Variants in RORA observed in about 807,000 individuals in gnomAD.
RORA encodes the protein RAR related orphan receptor A, also known as nuclear receptor ROR-alpha.
RORA carries 7 observed loss-of-function variants against 69.5 expected under a neutral mutation model. The ratio of observed to expected loss-of-function variants is 0.10; its 90% CI spans 0.06 to 0.19. RORA has a LOEUF of 0.19. Ranked by LOEUF, RORA falls within the 10% of genes least tolerant of loss-of-function variation. The pLI, the probability that RORA is intolerant of heterozygous loss-of-function variation, is 1.00. For synonymous variants in RORA, 261 were observed against 240.8 expected (o/e 1.08, Z -0.78); for missense variants, 457 against 663.0 (o/e 0.69, Z 3.41).
In RORA at chr15:61,025,080, TA is replaced by T. The variant is rs112693346; in HGVS notation, c.166+203972del. 4.8e-3 allele frequency among the ~76,000 whole-genome samples: 734 copies of T among 152,258 alleles called. 8 individuals carry two copies. Among genetic ancestry groups the T allele is most frequent in the African/African-American group, 0.017 (695 of 41,532 alleles). On this transcript the variant is annotated intron_variant, in intron 1 of 10. Transcript: ENST00000335670. ...AAGTTTTAGGCCCAGATCACATATCTAATGAATCAAACAGACAGGACGCAAA... is the reference window on the plus strand; with the variant it reads ...AAGTTTTAGGCCCAGATCACATATCTATGAATCAAACAGACAGGACGCAAA...
At chr15:61,184,703 G>T (rs2079722637) in intron 1 of RORA, among the ~76,000 whole-genome samples, 1 of 152,088 alleles carries the variant, frequency 6.6e-6, no homozygotes, top group Non-Finnish European at 1.5e-5. Flanking sequence ...GAGACTGTTA[G>T]GCTGGGAGTG....
intron 2 of RORA, among the ~76,000 whole-genome samples, chr15:60,640,592 G>A (rs573222595): frequency 6.6e-6 from 1 of 152,162 alleles, no homozygotes; most frequent in East Asian, 1.9e-4. Context: ...TTTCCTTTTA[G>A]ACTCCACTTG....
chr15:60,797,518 T>C (rs2072515437), intron 1 of RORA, among the ~76,000 whole-genome samples: 1 of 152,192 alleles, frequency 6.6e-6, no homozygotes, highest in Non-Finnish European at 1.5e-5. Context: ...TGGCAGCTCA[T>C]TACACATTCT....
chr15:60,754,523 T>G (rs138575394), intron 1 of RORA, among the ~76,000 whole-genome samples: 2 of 152,210 alleles, frequency 1.3e-5, no homozygotes, highest in African/African-American at 4.8e-5. Context: ...TGTTTTAGTC[T>G]CATGGCTTAA....
intron 2 of RORA, among the ~76,000 whole-genome samples, chr15:60,675,250 T>C (rs2070536136): frequency 2.0e-5 from 3 of 152,210 alleles, no homozygotes; most frequent in Admixed American, 6.5e-5. Flanking sequence ...CTTATCTGCA[T>C]GGTGGCTATT....
chr15:60,873,599 G>A (rs893371762), intron 1 of RORA, among the ~76,000 whole-genome samples: 28 of 152,102 alleles, frequency 1.8e-4, no homozygotes, highest in African/African-American at 6.8e-4. Flanking sequence ...CTAAGTACCA[G>A]ATAATGAAAG....
At chr15:60,834,782 G>A (rs1007886596) in intron 1 of RORA, among the ~76,000 whole-genome samples, 5 of 152,076 alleles carry the variant, frequency 3.3e-5, no homozygotes, top group African/African-American at 9.7e-5. Context: ...GTGACACAGC[G>A]ACCCCTCGAC....
At chr15:60,829,940 G>A (rs1409931116) in intron 1 of RORA, among the ~76,000 whole-genome samples, 1 of 152,182 alleles carries the variant, frequency 6.6e-6, no homozygotes, top group African/African-American at 2.4e-5. Context: ...GTTTAGCACT[G>A]TGCTTGGCAT....
intron 1 of RORA, among the ~76,000 whole-genome samples, chr15:61,022,160 T>C (rs964456221): frequency 7.9e-5 from 12 of 152,292 alleles, no homozygotes; most frequent in African/African-American, 2.6e-4. Flanking sequence ...TTTGGGACAT[T>C]TTACTTCACG....
At chr15:60,516,737 T>C (rs559179504) in intron 3 of RORA, among the ~76,000 whole-genome samples, 2 of 152,232 alleles carry the variant, frequency 1.3e-5, no homozygotes, top group East Asian at 1.9e-4. Context: ...TAAAGAAATA[T>C]TTAGAATGCT....
intron 1 of RORA, among the ~76,000 whole-genome samples, chr15:60,743,101 G>A (rs1039562463): frequency 9.0e-5 from 12 of 132,892 alleles, no homozygotes; most frequent in East Asian, 4.9e-4. Flanking sequence ...TGCAACCTCC[G>A]CCCCCTGGGT....
intron 1 of RORA, among the ~76,000 whole-genome samples, chr15:61,150,584 G>A (rs1322258435): frequency 3.3e-5 from 5 of 152,072 alleles, no homozygotes; most frequent in African/African-American, 1.2e-4. Flanking sequence ...TATACAAAAA[G>A]GCTCTTGCTT....
chr15:60,733,228 C>G (rs564498596), intron 1 of RORA, among the ~76,000 whole-genome samples: 243 of 152,314 alleles, frequency 1.6e-3, no homozygotes, highest in Admixed American at 2.9e-3. Flanking sequence ...TCAATCTTCT[C>G]CCCCTGCTTT....
At chr15:60,679,889 C>A (rs2070616640) in intron 1 of RORA, among the ~76,000 whole-genome samples, 1 of 151,810 alleles carries the variant, frequency 6.6e-6, no homozygotes, top group Non-Finnish European at 1.5e-5. Flanking sequence ...TCTCCCCGAC[C>A]CCGCAACTTT....
At chr15:60,655,041 CT>C (rs1344991425) in intron 2 of RORA, among the ~76,000 whole-genome samples, 9 of 152,064 alleles carry the variant, frequency 5.9e-5, no homozygotes, top group Non-Finnish European at 1.3e-4. Flanking sequence ...TACTGCATCT[CT>C]TATGTCTAGT....
intron 1 of RORA, among the ~76,000 whole-genome samples, chr15:61,012,787 T>C (rs1466589009): frequency 6.6e-6 from 1 of 152,096 alleles, no homozygotes; most frequent in East Asian, 1.9e-4. Context: ...GTATCTGGGA[T>C]TACAGGCACA....
intron 2 of RORA, among the ~76,000 whole-genome samples, chr15:60,606,104 C>T (rs1452223092): frequency 6.6e-6 from 1 of 152,212 alleles, no homozygotes; most frequent in South Asian, 2.1e-4. Context: ...AGTTAAGCTT[C>T]ACTTTAAAGC....
intron 1 of RORA, among the ~76,000 whole-genome samples, chr15:60,865,799 T>C (rs1018760418): frequency 2.0e-5 from 3 of 152,144 alleles, no homozygotes; most frequent in African/African-American, 7.2e-5. Context: ...TCTACACTCA[T>C]ACCATTTATA....
At position 60,531,693 on chromosome 15, in the gene RORA, G is replaced by A; in HGVS notation, c.282+73C>T. 1 of 780,498 alleles carries A rather than the reference G, an allele frequency of 1.3e-6. No homozygotes were observed. Among genetic ancestry groups the A allele is most frequent in the Non-Finnish European group, 2.1e-6 (1 of 478,200 alleles). 48.3% of individuals were successfully genotyped at this position (780,498 alleles called of 1,614,324 possible). On this transcript the variant is annotated intron_variant, in intron 3 of 10. Coordinates refer to ENST00000335670, the MANE Select transcript of RORA (RefSeq NM_134261.3). The surrounding 1 kb of genome is among the most constrained non-coding windows in gnomAD (Gnocchi z 4.8). ...TAAGGAGTTGAATTTTAAGACATAAGTGGAGACATACAAATCACAAAGATA... is the reference window on the plus strand; with the variant it reads ...TAAGGAGTTGAATTTTAAGACATAAATGGAGACATACAAATCACAAAGATA...
Sources: allele counts gnomAD v4.1 joint callset (sites outside exome capture counted in the v4.1 genomes callset), GRCh38; gene constraint gnomAD v4.1.1; non-coding constraint Gnocchi (gnomAD v3.1); transcripts MANE v1.5; gene names NCBI Gene and HGNC (gene_info 2026-07-23, HGNC 2026-07-21).